Variants in DAB1 observed in about 807,000 individuals in gnomAD.
DAB1 encodes disabled homolog 1.
A neutral mutation model predicts 64.6 loss-of-function variants in DAB1; 15 were observed. That is an observed-to-expected ratio of 0.23 (90% CI 0.16 to 0.36). The LOEUF is 0.36. Ranked by LOEUF, DAB1 falls within the 10% of genes least tolerant of loss-of-function variation. DAB1 has a pLI of 1.00. For synonymous variants in DAB1, 235 were observed against 251.9 expected (o/e 0.93, Z 0.64); for missense variants, 596 against 706.7 (o/e 0.84, Z 1.78).
chr1:57,885,739 A>G (rs1644212169), upstream of DAB1, among the ~76,000 whole-genome samples: 1 of 152,204 alleles, frequency 6.6e-6, no homozygotes, highest in Non-Finnish European at 1.5e-5. Flanking sequence ...AGCATATGGC[A>G]CTTTAAGTAA....
chr1:57,754,210 T>C (rs1648686240), intron 6 of DAB1, among the ~76,000 whole-genome samples: 1 of 152,182 alleles, frequency 6.6e-6, no homozygotes, highest in African/African-American at 2.4e-5. Flanking sequence ...CCATCATCTT[T>C]TATGCAGCTA....
intron 6 of DAB1, among the ~76,000 whole-genome samples, chr1:57,740,634 G>A (rs945097918): frequency 1.3e-5 from 2 of 152,154 alleles, no homozygotes; most frequent in African/African-American, 4.8e-5. Flanking sequence ...AAACTGCTTC[G>A]TGTTTCAGCA....
chr1:57,110,336 T>C (rs1254258245), intron 4 of DAB1, among the ~76,000 whole-genome samples: 1 of 152,222 alleles, frequency 6.6e-6, no homozygotes, highest in Non-Finnish European at 1.5e-5. Context: ...TGTACCCTGC[T>C]TCCATGTTCA....
At chr1:58,523,770 G>C (rs1002131148) in intron 2 of DAB1, among the ~76,000 whole-genome samples, 1 of 152,052 alleles carries the variant, frequency 6.6e-6, no homozygotes, top group African/African-American at 2.4e-5. Flanking sequence ...ATGGTGGTGG[G>C]TGCCTGTAAT....
At chr1:57,839,366 T>C (rs1652952050) in intron 1 of DAB1, among the ~76,000 whole-genome samples, 1 of 152,180 alleles carries the variant, frequency 6.6e-6, no homozygotes, top group Non-Finnish European at 1.5e-5. Flanking sequence ...ACATTCCTGA[T>C]GACATGAAGT....
chr1:57,677,244 T>A (rs903595761), intron 6 of DAB1, among the ~76,000 whole-genome samples: 1 of 152,102 alleles, frequency 6.6e-6, no homozygotes, highest in Non-Finnish European at 1.5e-5. Context: ...TTGAGAAAAA[T>A]AAAATGGCTG....
chr1:57,176,988 A>T (rs1662401250), intron 2 of DAB1, among the ~76,000 whole-genome samples: 1 of 147,518 alleles, frequency 6.8e-6, no homozygotes, highest in Admixed American at 6.7e-5. Context: ...AAAAAAAAAA[A>T]AAAAGCCCTC....
chr1:58,479,145 G>C (rs899810228), intron 3 of DAB1, among the ~76,000 whole-genome samples: 2 of 152,288 alleles, frequency 1.3e-5, no homozygotes, highest in East Asian at 1.9e-4. Context: ...AATGGGAATG[G>C]AAGAAAAAGT....
chr1:57,910,944 C>A (rs1644634782), intron 5 of DAB1, among the ~76,000 whole-genome samples: 1 of 152,130 alleles, frequency 6.6e-6, no homozygotes, highest in Non-Finnish European at 1.5e-5. Context: ...CCTACAGGGG[C>A]AGATGTGAGG....
At chr1:57,226,277 C>T (rs1411835852) in intron 2 of DAB1, among the ~76,000 whole-genome samples, 2 of 152,170 alleles carry the variant, frequency 1.3e-5, no homozygotes, top group Non-Finnish European at 2.9e-5. Context: ...GTCTACTGGA[C>T]AATTATGCTT....
chr1:57,681,236 G>C (rs1646633118), intron 6 of DAB1, among the ~76,000 whole-genome samples: 2 of 152,084 alleles, frequency 1.3e-5, no homozygotes. Context: ...ATCGTCACAT[G>C]GTATTCTCCC....
chr1:58,314,737 T>C (rs764209477), intron 4 of DAB1, among the ~76,000 whole-genome samples: 1 of 152,214 alleles, frequency 6.6e-6, no homozygotes, highest in South Asian at 2.1e-4. Flanking sequence ...CACCAAAATC[T>C]AAGCTCCATG....
At chr1:58,176,470 G>A (rs1012793363) in intron 4 of DAB1, among the ~76,000 whole-genome samples, 3 of 152,110 alleles carry the variant, frequency 2.0e-5, no homozygotes, top group African/African-American at 7.2e-5. Context: ...AGAATACCTG[G>A]GACTGAGTAA....
chr1:57,583,580 C>G (rs370430200), intron 7 of DAB1, among the ~76,000 whole-genome samples: 1 of 152,252 alleles, frequency 6.6e-6, no homozygotes, highest in African/African-American at 2.4e-5. Flanking sequence ...CCACCACGCC[C>G]GGCCCAGTTT....
At chr1:58,053,514 C>T (rs549337287) in intron 5 of DAB1, among the ~76,000 whole-genome samples, 2 of 152,284 alleles carry the variant, frequency 1.3e-5, no homozygotes, top group South Asian at 4.1e-4. Context: ...GGGCATTACT[C>T]TATTTATGAG....
chr1:57,393,926 G>T (rs1682599134), intron 1 of DAB1, among the ~76,000 whole-genome samples: 1 of 152,124 alleles, frequency 6.6e-6, no homozygotes, highest in South Asian at 2.1e-4. Context: ...GAAGGCTATA[G>T]GGCAAGATAG....
At chr1:57,637,741 T>A (rs979562933) in intron 7 of DAB1, among the ~76,000 whole-genome samples, 1 of 151,920 alleles carries the variant, frequency 6.6e-6, no homozygotes, top group African/African-American at 2.4e-5. Context: ...GTAAGGGGAG[T>A]GCTTACAAAT....
chr1:58,485,982 T>C (rs1318140295), intron 3 of DAB1, among the ~76,000 whole-genome samples: 3 of 152,198 alleles, frequency 2.0e-5, no homozygotes, highest in African/African-American at 7.2e-5. Context: ...TGAGGAAGAT[T>C]TGAAGTTAAA....
In DAB1 at chr1:57,214,359, C is replaced by T. The variant is rs140220066; in HGVS notation, c.68-68930G>A. ...CAACATCTGAATTTTGGAGGGGACACATTCAAATCACAGCAACCCTCAACT... is the reference window on the plus strand; with the variant it reads ...CAACATCTGAATTTTGGAGGGGACATATTCAAATCACAGCAACCCTCAACT... On this transcript the variant is annotated intron_variant, in intron 2 of 14. Coordinates refer to ENST00000371236, the MANE Select transcript of DAB1 (RefSeq NM_001365792.1). Among the ~76,000 whole-genome samples, 376 of 152,330 alleles carry T rather than the reference C, an allele frequency of 2.5e-3. 2 individuals carry two copies. Among genetic ancestry groups the T allele is most frequent in the African/African-American group, 8.7e-3 (362 of 41,578 alleles).
Sources: gnomAD v4.1 joint callset for allele counts (sites outside exome capture counted in the v4.1 genomes callset) on GRCh38, gnomAD v4.1.1 for gene constraint, MANE v1.5 for transcripts, NCBI Gene and HGNC (gene_info 2026-07-23, HGNC 2026-07-21) for gene names.